Variants in JAK2 observed in about 807,000 individuals in gnomAD.
The protein encoded by JAK2 is Janus kinase 2.
JAK2 carries 86 observed loss-of-function variants against 139.3 expected under a neutral mutation model. The ratio of observed to expected loss-of-function variants is 0.62; its 90% CI spans 0.52 to 0.74. The LOEUF (loss-of-function observed/expected upper bound fraction) is 0.74. Ranked by LOEUF, JAK2 falls within the 30% of genes least tolerant of loss-of-function variation. The pLI is 0.00. For synonymous variants in JAK2, 490 were observed against 437.7 expected (o/e 1.12, Z -1.49); for missense variants, 1,421 against 1,360.3 (o/e 1.04, Z -0.70).
intron 22 of JAK2, chr9:5,110,771 G>A: frequency 5.1e-6 from 2 of 390,718 alleles, no homozygotes; most frequent in South Asian, 4.1e-5. Flanking sequence ...GGCCATGCAG[G>A]AGTGGTAAGG....
chr9:5,113,557 A>G, intron 22 of JAK2: 1 of 155,444 alleles, frequency 6.4e-6, no homozygotes, highest in Non-Finnish European at 1.4e-5. Context: ...CCGCCTCCAC[A>G]CAGGGCCCAT....
intron 22 of JAK2, among the ~76,000 whole-genome samples, chr9:5,120,322 A>G (rs1823519078): frequency 6.6e-6 from 1 of 152,242 alleles, no homozygotes. Flanking sequence ...TAATACCATC[A>G]CATTAACAAC....
At chr9:5,102,653 G>A (rs906866115) in intron 22 of JAK2, among the ~76,000 whole-genome samples, 1 of 152,176 alleles carries the variant, frequency 6.6e-6, no homozygotes, top group Non-Finnish European at 1.5e-5. Context: ...GAAATGTCGG[G>A]TTGCCCACAA....
At chr9:5,074,173 C>T (rs1441870871) in intron 14 of JAK2, among the ~76,000 whole-genome samples, 1 of 151,978 alleles carries the variant, frequency 6.6e-6, no homozygotes, top group African/African-American at 2.4e-5. Flanking sequence ...TTTAATGGAA[C>T]TGACAGAAAT....
intron 2 of JAK2, among the ~76,000 whole-genome samples, chr9:5,007,592 A>G (rs574032648): frequency 3.3e-5 from 5 of 149,612 alleles, no homozygotes; most frequent in Non-Finnish European, 7.4e-5. Context: ...AATATGTCCT[A>G]TTTTGCAACT....
chr9:5,011,872 A>T (rs1161435650), intron 2 of JAK2, among the ~76,000 whole-genome samples: 1 of 152,134 alleles, frequency 6.6e-6, no homozygotes, highest in Non-Finnish European at 1.5e-5. Context: ...ACTTCTGGTA[A>T]GTGGCTCTTA....
At chr9:5,103,148 C>A (rs1821651793) in intron 22 of JAK2, among the ~76,000 whole-genome samples, 1 of 133,938 alleles carries the variant, frequency 7.5e-6, no homozygotes, top group African/African-American at 2.8e-5. Flanking sequence ...TTCAGGAGAC[C>A]AATCTCATGT....
At chr9:5,048,056 T>G (rs1398374243) in intron 5 of JAK2, among the ~76,000 whole-genome samples, 1 of 152,234 alleles carries the variant, frequency 6.6e-6, no homozygotes, top group South Asian at 2.1e-4. Context: ...TTGCCATCAC[T>G]CATTTTTCAT....
At chr9:5,013,901 C>A (rs887376060) in intron 2 of JAK2, among the ~76,000 whole-genome samples, 7 of 151,998 alleles carry the variant, frequency 4.6e-5, no homozygotes, top group African/African-American at 9.7e-5. Flanking sequence ...AGCTGAGATT[C>A]ATTTGTCATG....
intron 22 of JAK2, among the ~76,000 whole-genome samples, chr9:5,103,189 G>A (rs1262163072): frequency 1.0e-5 from 1 of 95,640 alleles, no homozygotes; most frequent in African/African-American, 4.6e-5. Context: ...AAAATAAAGG[G>A]ATGGAGGAAG....
chr9:5,036,659 G>A (rs910692380), intron 4 of JAK2, among the ~76,000 whole-genome samples: 3 of 152,084 alleles, frequency 2.0e-5, no homozygotes, highest in Non-Finnish European at 4.4e-5. Context: ...GGCTAGCCAT[G>A]TGTAGAAAGC....
At position 5,054,154 on chromosome 9, in the gene JAK2, G is replaced by A. The variant is rs995163944; in HGVS notation, c.615-409G>A. Among the ~76,000 whole-genome samples the A allele has an allele frequency of 1.3e-5, 2 of 152,012 alleles. No individual in the cohort carries two copies. Among genetic ancestry groups the A allele is most frequent in the African/African-American group, 4.8e-5 (2 of 41,426 alleles). On this transcript the variant is annotated intron_variant, in intron 6 of 24. Coordinates refer to ENST00000381652, the MANE Select transcript of JAK2 (RefSeq NM_004972.4). The surrounding 1 kb of genome is among the most constrained non-coding windows in gnomAD (Gnocchi z 4.9). ...AAATGTAACAATTTCCAAAATTCAG[G>A]TAAATGTTGGAGCACAGCATCATAG... is the stretch of plus-strand genomic sequence containing the variant.
At chr9:4,995,939 A>G (rs1442839571) in intron 2 of JAK2, among the ~76,000 whole-genome samples, 2 of 152,058 alleles carry the variant, frequency 1.3e-5, no homozygotes, top group Admixed American at 6.5e-5. Context: ...TTATTAGTCT[A>G]TTTTTGGCCT....
At chr9:5,068,476 T>C (rs1282130374) in intron 10 of JAK2, among the ~76,000 whole-genome samples, 2 of 152,180 alleles carry the variant, frequency 1.3e-5, no homozygotes, top group Non-Finnish European at 1.5e-5. Flanking sequence ...TTAGAAACAG[T>C]GGTACTTGAA....
Position 5,069,188 on chromosome 9 carries a change from G to T in JAK2, c.1493G>T (p.Cys498Phe). The T allele has an allele frequency of 6.2e-7, 1 of 1,606,172 alleles. No individual in the cohort carries two copies. The highest frequency in any genetic ancestry group is 1.1e-5 in the South Asian group (1 of 89,212). ...SDNIIFQFTK[C>F]CPPKPKDKSN... ...AATATAATTTTCCAGTTTACTAAAT[G>T]CTGTCCCCCAAAGCCAAAAGGTAAG... The change falls in exon 11 of 25, where the codon TGC (cysteine) becomes TTC (phenylalanine). Residue 498 changes from cysteine (C) to phenylalanine (F), a missense_variant. By Grantham distance (205) the Cys-to-Phe change is radical (BLOSUM62 -2). Coordinates refer to ENST00000381652, the MANE Select transcript of JAK2 (RefSeq NM_004972.4).
Position 5,010,405 on chromosome 9 carries a change from C to G in JAK2, c.-25-11558C>G, listed in dbSNP as rs1821619083. 2.0e-5 allele frequency among the ~76,000 whole-genome samples: 3 copies of G among 151,848 alleles called. No individual in the cohort carries two copies. The South Asian group carries it at 6.2e-4, about 31-fold the overall frequency. On this transcript the variant is annotated intron_variant, in intron 2 of 24. Coordinates refer to ENST00000381652, the MANE Select transcript of JAK2 (RefSeq NM_004972.4). ...GTAAACATGACCTCCGTTGCAACCT[C>G]TGCCTTCGGGGTTCAAGCAATTCTC...
chr9:5,058,119 T>C (rs1817895891), intron 8 of JAK2, among the ~76,000 whole-genome samples: 1 of 152,214 alleles, frequency 6.6e-6, no homozygotes, highest in Non-Finnish European at 1.5e-5. Flanking sequence ...TTTTTACTTT[T>C]TGACAATTGT....
At position 5,123,052 on chromosome 9, in the gene JAK2, T is replaced by C. The variant is rs1823735226; in HGVS notation, c.3108T>C (p.Asp1036=). 2 of 1,611,836 alleles carry C rather than the reference T, an allele frequency of 1.2e-6. No homozygotes were observed. The highest frequency in any genetic ancestry group is 2.2e-5 in the East Asian group (1 of 44,838). ...AGAGCAAGTTTTCTGTGGCCTCAGATGTTTGGAGCTTTGGAGTGGTTCTGT... is the reference window on the plus strand; with the variant it reads ...AGAGCAAGTTTTCTGTGGCCTCAGACGTTTGGAGCTTTGGAGTGGTTCTGT... ...LTESKFSVAS[D]VWSFGVVLYE... Residue 1036 remains aspartate, a synonymous_variant, in exon 23 of 25, where the codon GAT becomes GAC. Transcript: ENST00000381652.
At chr9:5,060,697 T>C (rs534827710) in intron 8 of JAK2, among the ~76,000 whole-genome samples, 8 of 152,154 alleles carry the variant, frequency 5.3e-5, no homozygotes, top group Non-Finnish European at 1.2e-4. Flanking sequence ...TCCATGAGGG[T>C]TGGAATCAAC....
Sources: allele counts gnomAD v4.1 joint callset (sites outside exome capture counted in the v4.1 genomes callset), GRCh38; gene constraint gnomAD v4.1.1; non-coding constraint Gnocchi (gnomAD v3.1); transcripts MANE v1.5; gene names NCBI Gene and HGNC (gene_info 2026-07-23, HGNC 2026-07-21).